AKAP12: variants seen among roughly 807,000 people sequenced by gnomAD.
The protein encoded by AKAP12 is A-kinase anchor protein 12.
A neutral mutation model predicts 79.9 loss-of-function variants in AKAP12; 32 were observed. That is an observed-to-expected ratio of 0.40 (90% CI 0.30 to 0.54). The LOEUF (loss-of-function observed/expected upper bound fraction) is 0.54. Among genes scored for constraint, AKAP12 ranks in the 20% least tolerant of loss-of-function variants. AKAP12 has a pLI of 0.48. For missense variants in AKAP12, 2,074 were observed against 2,177.0 expected (o/e 0.95, Z 0.94); for synonymous variants, 808 against 857.0 (o/e 0.94, Z 1.00).
At chr6:151,257,088 T>A (rs1207182210) in intron 2 of AKAP12, among the ~76,000 whole-genome samples, 1 of 152,138 alleles carries the variant, frequency 6.6e-6, no homozygotes, top group Non-Finnish European at 1.5e-5. Flanking sequence ...AGGGGATGCA[T>A]GTGCAGGTTT....
intron 2 of AKAP12, among the ~76,000 whole-genome samples, chr6:151,261,185 C>T (rs1485415462): frequency 6.6e-6 from 1 of 151,856 alleles, no homozygotes; most frequent in African/African-American, 2.4e-5. Flanking sequence ...GTCAGGAGTT[C>T]GAGGCCAGCC....
Position 151,351,309 on chromosome 6 carries a change from C to T in AKAP12, c.2918C>T (p.Pro973Leu), listed in dbSNP as rs753184741. 3 of 1,614,192 alleles carry T rather than the reference C, an allele frequency of 1.9e-6. No individual in the cohort carries two copies. Among genetic ancestry groups the T allele is most frequent in the Non-Finnish European group, 2.5e-6 (3 of 1,180,038 alleles). Residue 973 changes from proline to leucine, a missense_variant, in exon 4 of 5, where the codon CCC becomes CTC. Pro to Leu is a moderately conservative substitution (Grantham distance 98, BLOSUM62 -3). Around this residue, in one of 3 missense-constraint regions of AKAP12, gnomAD observed 1,428 missense variants for 1,451.0 expected, o/e 0.98. Coordinates refer to ENST00000402676, the MANE Select transcript of AKAP12 (RefSeq NM_005100.4). This position sits in a 1 kb window ranked among gnomAD's most constrained non-coding sequence, Gnocchi z 4.4. ...GTCGTTAGTGAGGCGGAATTGACCC[C>T]CGAAGCTGTGACAGCTGCAGAAACT... is the stretch of plus-strand genomic sequence containing the variant. ...DTVVSEAELT[P>L]EAVTAAETAG...
intron 2 of AKAP12, among the ~76,000 whole-genome samples, chr6:151,298,430 G>A (rs1032292433): frequency 6.6e-6 from 1 of 152,160 alleles, no homozygotes; most frequent in African/African-American, 2.4e-5. Context: ...TAAAATTTAT[G>A]TTAATAGTTG....
At chr6:151,320,498 A>G (rs372948904) in intron 3 of AKAP12, among the ~76,000 whole-genome samples, 2 of 151,856 alleles carry the variant, frequency 1.3e-5, no homozygotes, top group African/African-American at 4.8e-5. Context: ...CTTTGCTGCC[A>G]CTTTCTCCCT....
At chr6:151,294,161 A>T (rs1048766338) in intron 2 of AKAP12, among the ~76,000 whole-genome samples, 4 of 151,838 alleles carry the variant, frequency 2.6e-5, no homozygotes, top group Non-Finnish European at 5.9e-5. Context: ...TTTAGTAGAG[A>T]CGGGGTTTCA....
chr6:151,250,335 A>G (rs1797149733), intron 2 of AKAP12, among the ~76,000 whole-genome samples: 2 of 146,444 alleles, frequency 1.4e-5, no homozygotes, highest in Admixed American at 6.8e-5. Context: ...CCGCTTTACT[A>G]AAAATACAAA....
At chr6:151,289,871 A>C (rs998395503) in intron 2 of AKAP12, among the ~76,000 whole-genome samples, 1 of 152,190 alleles carries the variant, frequency 6.6e-6, no homozygotes, top group Non-Finnish European at 1.5e-5. Context: ...TTCAAAGCAA[A>C]GACTGAGAGA....
chr6:151,350,442 G>A lies in AKAP12; in HGVS notation c.2051G>A (p.Cys684Tyr). 1 of 1,614,058 alleles carries A rather than the reference G, an allele frequency of 6.2e-7. No individual in the cohort carries two copies. Among genetic ancestry groups the A allele is most frequent in the Non-Finnish European group, 8.5e-7 (1 of 1,180,024 alleles). Residue 684 changes from cysteine (C) to tyrosine (Y), a missense_variant, in exon 4 of 5, where the codon TGT becomes TAT. Cys to Tyr is a radical substitution (Grantham distance 194). Transcript: ENST00000402676. This position sits in a 1 kb window ranked among gnomAD's most constrained non-coding sequence, Gnocchi z 4.8. ...TCAGTATCTTGGGAAGCTTTAATTT[G>A]TGTGGGATCATCCAAGAAAAGAGCA... ...DTSVSWEALICVGSSKKRARR... is the reference protein window; with the variant it reads ...DTSVSWEALIYVGSSKKRARR...
chr6:151,251,084 G>C (rs1475357300), intron 2 of AKAP12, among the ~76,000 whole-genome samples: 3 of 152,136 alleles, frequency 2.0e-5, no homozygotes, highest in Admixed American at 2.0e-4. Flanking sequence ...ATTGCCATTA[G>C]TACTACTGTA....
At chr6:151,285,067 T>C (rs981072471) in intron 2 of AKAP12, among the ~76,000 whole-genome samples, 1 of 152,214 alleles carries the variant, frequency 6.6e-6, no homozygotes, top group African/African-American at 2.4e-5. Context: ...GAATAGTTAA[T>C]GTGAAGAACA....
Position 151,350,248 on chromosome 6 carries a change from C to A in AKAP12, c.1857C>A (p.Pro619=), listed in dbSNP as rs775074666. 10 of 1,613,730 alleles carry A rather than the reference C, an allele frequency of 6.2e-6. No individual in the cohort carries two copies. The highest frequency in any genetic ancestry group is 7.6e-6 in the Non-Finnish European group (9 of 1,179,966). ...CATCATTCAAAAAGATGGTGACGCC[C>A]AAGAAGCGTGTTAGACGGCCTTCGG... is the stretch of plus-strand genomic sequence containing the variant. The part of the protein sequence containing the change: ...PWASFKKMVT[P]KKRVRRPSES... The change falls in exon 4 of 5, where the codon CCC becomes CCA. Residue 619 remains proline (P), a synonymous_variant. Coordinates refer to ENST00000402676, the MANE Select transcript of AKAP12 (RefSeq NM_005100.4). This position sits in a 1 kb window ranked among gnomAD's most constrained non-coding sequence, Gnocchi z 4.8.
intron 3 of AKAP12, chr6:151,324,165 C>T (rs1466178377): frequency 1.0e-6 from 1 of 985,352 alleles, no homozygotes; most frequent in Non-Finnish European, 1.2e-6. Context: ...AGAGTTGAGA[C>T]TTCTCTAGAG....
Position 151,240,504 on chromosome 6 carries a change from C to T in AKAP12, c.-59C>T. 1 of 1,370,004 alleles carries T rather than the reference C, an allele frequency of 7.3e-7. No individual in the cohort carries two copies. The highest frequency in any genetic ancestry group is 1.7e-5 in the South Asian group (1 of 59,944). 84.9% of individuals were successfully genotyped at this position (1,370,004 alleles called of 1,614,324 possible). Reference sequence around the variant, plus strand: ...GCGTCTTTTGGCTCTTGCCCCTGTCCCTGCGGCTTGGGGAAGGCGTAACCC... The same window carrying T: ...GCGTCTTTTGGCTCTTGCCCCTGTCTCTGCGGCTTGGGGAAGGCGTAACCC... On this transcript the variant is annotated 5_prime_UTR_variant, in exon 2 of 5. Transcript: ENST00000402676.
At chr6:151,325,605 G>C in intron 3 of AKAP12, 1 of 1,354,462 alleles carries the variant, frequency 7.4e-7, no homozygotes, top group Non-Finnish European at 9.5e-7. Flanking sequence ...GCCAGCCCGC[G>C]TGTGGGTGGC....
chr6:151,329,648 G>A (rs2114791703), intron 3 of AKAP12, among the ~76,000 whole-genome samples: 1 of 152,320 alleles, frequency 6.6e-6, no homozygotes, highest in East Asian at 1.9e-4. Flanking sequence ...GCACATGGGT[G>A]TTTCACATCT....
intron 2 of AKAP12, among the ~76,000 whole-genome samples, chr6:151,286,293 AT>A (rs1160730019): frequency 6.6e-6 from 1 of 152,202 alleles, no homozygotes; most frequent in Admixed American, 6.5e-5. Flanking sequence ...GGCTGAAAGC[AT>A]TTTCTTTGCA....
At chr6:151,294,652 C>T (rs115399273) in intron 2 of AKAP12, among the ~76,000 whole-genome samples, 343 of 152,342 alleles carry the variant, frequency 2.3e-3, no homozygotes, top group African/African-American at 8.0e-3. Flanking sequence ...CCATCTCCAG[C>T]AGAGATCTTA....
intron 2 of AKAP12, among the ~76,000 whole-genome samples, chr6:151,256,121 C>G (rs751340486): frequency 6.6e-6 from 1 of 151,990 alleles, no homozygotes; most frequent in Non-Finnish European, 1.5e-5. Flanking sequence ...TGGAGATGCA[C>G]GAGAGAAAGA....
chr6:151,353,687 G>T lies in AKAP12; in HGVS notation c.5296G>T (p.Glu1766Ter). 6.2e-7 allele frequency: 1 copy of T among 1,610,444 alleles called. No homozygotes were observed. Among genetic ancestry groups the T allele is most frequent in the Non-Finnish European group, 8.5e-7 (1 of 1,178,904 alleles). ...DKAITPQAQEELQKQERESAK... is the reference protein window; with the variant it reads ...DKAITPQAQE ...AGCGATCACACCCCAAGCACAGGAG[G>T]AGTTACAGAAACAAGAGAGAGAATC... The change falls in exon 4 of 5, where the codon GAG becomes TAG. Residue 1766 changes from glutamate to a stop codon, truncating the protein, a stop_gained. Coordinates refer to ENST00000402676, the MANE Select transcript of AKAP12 (RefSeq NM_005100.4). LOFTEE classifies it low-confidence loss of function (END_TRUNC).
Sources: gnomAD v4.1 joint callset for allele counts (sites outside exome capture counted in the v4.1 genomes callset) on GRCh38, gnomAD v4.1.1 for gene constraint, gnomAD v4.1.1 regional missense constraint, Gnocchi (gnomAD v3.1) non-coding constraint, MANE v1.5 for transcripts, NCBI Gene and HGNC (gene_info 2026-07-23, HGNC 2026-07-21) for gene names.